ANKRD30BL: variants seen among roughly 807,000 people sequenced by gnomAD.
ANKRD30BL encodes the protein ankyrin repeat domain 30B like.
In ANKRD30BL, 20 loss-of-function variants were observed where a neutral mutation model predicts 18.4. That is an observed-to-expected ratio of 1.09 (90% CI 0.77 to 1.58). The LOEUF (loss-of-function observed/expected upper bound fraction) is 1.58. Among genes scored for constraint, ANKRD30BL ranks in the 40% most tolerant of loss-of-function variants. The probability of loss-of-function intolerance (pLI) is 0.00; values close to 1 mark genes in which losing one functional copy is unlikely to be tolerated. For synonymous variants in ANKRD30BL, 72 were observed against 100.9 expected (o/e 0.71, Z 1.72); for missense variants, 224 against 268.6 (o/e 0.83, Z 1.16).
intron 1 of ANKRD30BL, among the ~76,000 whole-genome samples, chr2:132,170,314 C>A (rs1688255310): frequency 6.6e-6 from 1 of 151,892 alleles, no homozygotes; most frequent in African/African-American, 2.4e-5. Context: ...ATTTATTGGG[C>A]AAAAGGGAAA....
chr2:132,176,071 A>G (rs1688363413), intron 1 of ANKRD30BL, among the ~76,000 whole-genome samples: 1 of 152,242 alleles, frequency 6.6e-6, no homozygotes, highest in Admixed American at 6.5e-5. Context: ...GCAACAGAAG[A>G]AAACTAAAAC....
intron 1 of ANKRD30BL, among the ~76,000 whole-genome samples, chr2:132,188,161 A>C (rs1296885272): frequency 6.6e-6 from 1 of 152,150 alleles, no homozygotes; most frequent in African/African-American, 2.4e-5. Flanking sequence ...GTTGAAGAAT[A>C]GTATCTCTTT....
intron 1 of ANKRD30BL, among the ~76,000 whole-genome samples, chr2:132,183,904 T>C (rs1278451496): frequency 3.3e-5 from 5 of 151,944 alleles, no homozygotes; most frequent in Non-Finnish European, 7.4e-5. Context: ...GAAAGTGGGA[T>C]GGGTCTCCTC....
At chr2:132,225,535 T>C (rs977400394) in intron 1 of ANKRD30BL, among the ~76,000 whole-genome samples, 19 of 152,038 alleles carry the variant, frequency 1.2e-4, no homozygotes, top group African/African-American at 4.3e-4. Flanking sequence ...AAACTTCTTG[T>C]GATGTGTACA....
chr2:132,243,165 G>A (rs941843641), intron 1 of ANKRD30BL, among the ~76,000 whole-genome samples: 1 of 151,470 alleles, frequency 6.6e-6, no homozygotes, highest in African/African-American at 2.4e-5. Context: ...CTCTTTTGTT[G>A]TATCTGTAAG....
intron 5 of ANKRD30BL, among the ~76,000 whole-genome samples, chr2:132,150,274 T>G (rs1687724059): frequency 6.6e-6 from 1 of 151,786 alleles, no homozygotes; most frequent in African/African-American, 2.4e-5. Context: ...AAATAAACAT[T>G]TTATATGTTT....
intron 4 of ANKRD30BL, chr2:132,152,876 T>TC (rs957047633): frequency 6.6e-6 from 1 of 152,062 alleles, no homozygotes; most frequent in Admixed American, 6.6e-5. Context: ...AGGAGAAGAG[T>TC]CAATTTGCTC....
chr2:132,151,734 C>G (rs1275384891), intron 4 of ANKRD30BL, among the ~76,000 whole-genome samples: 6 of 151,668 alleles, frequency 4.0e-5, no homozygotes, highest in African/African-American at 1.5e-4. Context: ...GCTTGTAATT[C>G]AGAGCATCTA....
intron 1 of ANKRD30BL, among the ~76,000 whole-genome samples, chr2:132,219,307 G>A (rs1351815511): frequency 6.7e-6 from 1 of 150,374 alleles, no homozygotes; most frequent in African/African-American, 2.5e-5. Flanking sequence ...CTGGAAACAG[G>A]AATATCTTCA....
At chr2:132,251,275 C>G (rs1267313817) in intron 1 of ANKRD30BL, among the ~76,000 whole-genome samples, 1 of 152,176 alleles carries the variant, frequency 6.6e-6, no homozygotes, top group African/African-American at 2.4e-5. Flanking sequence ...GACATAGGTA[C>G]AATTCAGAAA....
intron 1 of ANKRD30BL, among the ~76,000 whole-genome samples, chr2:132,221,969 G>A (rs1338263708): frequency 2.8e-4 from 36 of 129,738 alleles, no homozygotes; most frequent in Admixed American, 8.0e-4. Flanking sequence ...GGTGAGGGGC[G>A]CCTCTGCCTG....
chr2:132,160,539 C>T (rs1449162035), intron 1 of ANKRD30BL, among the ~76,000 whole-genome samples: 2 of 151,356 alleles, frequency 1.3e-5, no homozygotes, highest in Admixed American at 1.3e-4. Context: ...TCCAGGTTCA[C>T]ACCATTCTCC....
intron 4 of ANKRD30BL, among the ~76,000 whole-genome samples, chr2:132,153,093 G>C (rs931309060): frequency 9.9e-5 from 15 of 152,140 alleles, no homozygotes; most frequent in African/African-American, 3.4e-4. Context: ...AGTTTCAATG[G>C]CAACGATGCA....
chr2:132,254,828 G>A (rs77225707), intron 1 of ANKRD30BL, among the ~76,000 whole-genome samples: 4 of 151,820 alleles, frequency 2.6e-5, no homozygotes, highest in African/African-American at 4.8e-5. Context: ...AGTCTCGTTC[G>A]TTATTGGAAT....
chr2:132,231,664 C>T (rs892254244), intron 1 of ANKRD30BL, among the ~76,000 whole-genome samples: 11 of 152,194 alleles, frequency 7.2e-5, no homozygotes, highest in African/African-American at 2.7e-4. Flanking sequence ...GAGATTATAT[C>T]CCGCACCTGG....
At chr2:132,180,975 A>G (rs558905623) in intron 1 of ANKRD30BL, among the ~76,000 whole-genome samples, 3 of 151,746 alleles carry the variant, frequency 2.0e-5, no homozygotes, top group African/African-American at 4.8e-5. Flanking sequence ...GTGAAACTCC[A>G]TCTCTACTAA....
Position 132,198,341 on chromosome 2 carries a change from TTA to T in ANKRD30BL, n.442-41197_442-41196del, listed in dbSNP as rs1558928646. ...CTTTCTTTCTTTTTTTTTTTTTTTTTTAGACAGAGTCTCCCTCTGTCGCCCAG... is the reference window on the plus strand; with the variant it reads ...CTTTCTTTCTTTTTTTTTTTTTTTTTGACAGAGTCTCCCTCTGTCGCCCAG... On this transcript the variant is annotated intron_variant and non_coding_transcript_variant, in intron 1 of 4. Transcript: ENST00000470729. Among the ~76,000 whole-genome samples the T allele has an allele frequency of 3.2e-3, 398 of 125,958 alleles. 6 individuals carry two copies. Among genetic ancestry groups the T allele is most frequent in the African/African-American group, 7.2e-3 (228 of 31,748 alleles). 82.6% of individuals were successfully genotyped at this position (125,958 alleles called of 152,430 possible).
At chr2:132,233,250 A>G (rs1167704016) in intron 1 of ANKRD30BL, among the ~76,000 whole-genome samples, 1 of 152,192 alleles carries the variant, frequency 6.6e-6, no homozygotes, top group South Asian at 2.1e-4. Flanking sequence ...TGTAAAGACC[A>G]TCGAGACTAG....
chr2:132,213,872 C>T (rs1180596575), intron 1 of ANKRD30BL, among the ~76,000 whole-genome samples: 2 of 152,086 alleles, frequency 1.3e-5, no homozygotes, highest in African/African-American at 2.4e-5. Context: ...TGTGTGCATT[C>T]ATCTCACATA....
Sources: gnomAD v4.1 joint callset for allele counts (sites outside exome capture counted in the v4.1 genomes callset) on GRCh38, gnomAD v4.1.1 for gene constraint, MANE v1.5 for transcripts, NCBI Gene and HGNC (gene_info 2026-07-23, HGNC 2026-07-21) for gene names.